POC1B: variants seen among roughly 807,000 people sequenced by gnomAD.
POC1B encodes the protein POC1 centriolar protein B.
A neutral mutation model predicts 60.6 loss-of-function variants in POC1B; 44 were observed. The ratio of observed to expected loss-of-function variants is 0.73; its 90% CI spans 0.57 to 0.93. The LOEUF (loss-of-function observed/expected upper bound fraction) is 0.93. Ranked by LOEUF, POC1B falls within the 40% of genes least tolerant of loss-of-function variation. The pLI is 0.00. For synonymous variants in POC1B, 180 were observed against 198.9 expected (o/e 0.90, Z 0.80); for missense variants, 555 against 572.3 (o/e 0.97, Z 0.31).
At chr12:89,480,237 G>A (rs1330492188) in intron 4 of POC1B, among the ~76,000 whole-genome samples, 1 of 151,672 alleles carries the variant, frequency 6.6e-6, no homozygotes. Flanking sequence ...CCCAGGCTCA[G>A]GTGATCCTCC....
At chr12:89,468,763 T>C (rs1882777094) in intron 7 of POC1B, among the ~76,000 whole-genome samples, 1 of 152,116 alleles carries the variant, frequency 6.6e-6, no homozygotes, top group African/African-American at 2.4e-5. Flanking sequence ...CACTGCAGAA[T>C]AAATGATAAC....
chr12:89,421,623 C>T (rs998509898), intron 11 of POC1B, among the ~76,000 whole-genome samples: 5 of 152,074 alleles, frequency 3.3e-5, no homozygotes, highest in African/African-American at 1.2e-4. Flanking sequence ...GGAGGGGGTG[C>T]GAAATTCCAC....
At chr12:89,412,545 G>A in the POC1B span, among the ~76,000 whole-genome samples, 18 of 151,562 alleles carry the variant, frequency 1.2e-4, no homozygotes, top group Non-Finnish European at 2.4e-4. Flanking sequence ...AGGGCATGGT[G>A]GGTGCCTGTA....
At chr12:89,514,008 C>T (rs930740065) in intron 2 of POC1B, among the ~76,000 whole-genome samples, 2 of 152,168 alleles carry the variant, frequency 1.3e-5, no homozygotes, top group African/African-American at 4.8e-5. Context: ...ATCCTCTTCC[C>T]TCTCATCACC....
chr12:89,489,901 C>G (rs1229677017), intron 4 of POC1B, among the ~76,000 whole-genome samples: 2 of 152,238 alleles, frequency 1.3e-5, no homozygotes, highest in African/African-American at 4.8e-5. Flanking sequence ...GCCACAGCAT[C>G]TCACTGCTAG....
At chr12:89,494,086 G>A (rs1304911931) in intron 3 of POC1B, among the ~76,000 whole-genome samples, 3 of 152,130 alleles carry the variant, frequency 2.0e-5, no homozygotes, top group African/African-American at 7.2e-5. Flanking sequence ...TGTCACAGAT[G>A]CTAGAATACA....
At chr12:89,503,406 T>C (rs1056230238) in intron 2 of POC1B, among the ~76,000 whole-genome samples, 1 of 152,242 alleles carries the variant, frequency 6.6e-6, no homozygotes, top group African/African-American at 2.4e-5. Flanking sequence ...CGGAGTCTCA[T>C]TCACTCAGTG....
chr12:89,514,815 G>A (rs1414207573), intron 2 of POC1B, among the ~76,000 whole-genome samples: 1 of 152,000 alleles, frequency 6.6e-6, no homozygotes, highest in African/African-American at 2.4e-5. Flanking sequence ...CTCTAATCAT[G>A]ACCAGAAGTT....
At position 89,500,835 on chromosome 12, in the gene POC1B, A is replaced by G. The variant is rs963123620; in HGVS notation, c.101-3493T>C. On this transcript the variant is annotated intron_variant, in intron 2 of 11. Transcript: ENST00000313546. ...AAGAAAACCATCAGGATCATCTCAGAATAGAATACGACATTCAGAATATGA... is the reference window on the plus strand; with the variant it reads ...AAGAAAACCATCAGGATCATCTCAGGATAGAATACGACATTCAGAATATGA... The G allele has an allele frequency of 5.3e-5, 56 of 1,048,690 alleles. No homozygotes were observed. The East Asian group carries it at 1.0e-3, about 19-fold the overall frequency. The allele number at this position is 1,048,690 out of a possible 1,614,324, so 65.0% of individuals were successfully genotyped here. A position where few individuals can be genotyped will look rare whatever the true frequency, so the allele number is the denominator to read the frequency against.
Position 89,490,817 on chromosome 12 carries a change from G to A in POC1B, c.452+1119C>T, listed in dbSNP as rs370044333. 2.9e-4 allele frequency among the ~76,000 whole-genome samples: 44 copies of A among 152,244 alleles called. No individual in the cohort carries two copies. In the East Asian group the frequency reaches 4.2e-3, roughly 15 times the overall value. On this transcript the variant is annotated intron_variant, in intron 4 of 11. Coordinates refer to ENST00000313546, the MANE Select transcript of POC1B (RefSeq NM_172240.3). ...CTGGAGTTCTTCCTGACTTTGCTGC[G>A]TCAAATCTGATGTGACAGCTCGTAC... is the stretch of plus-strand genomic sequence containing the variant.
intron 2 of POC1B, among the ~76,000 whole-genome samples, chr12:89,514,977 T>G (rs1870380029): frequency 6.6e-6 from 1 of 152,134 alleles, no homozygotes. Context: ...GCCTCTTGTA[T>G]TCACATCCTC....
rs1283303236 is a variant in POC1B, at chr12:89,525,889, A to C, written c.7T>G (p.Ser3Ala). 1.4e-6 allele frequency: 2 copies of C among 1,465,876 alleles called. No homozygotes were observed. The highest frequency in any genetic ancestry group is 5.1e-5 in the East Asian group (2 of 39,064). The allele number at this position is 1,465,876 out of a possible 1,614,324, so 90.8% of individuals were successfully genotyped here. A position where few individuals can be genotyped will look rare whatever the true frequency, so the allele number is the denominator to read the frequency against. Residue 3 changes from serine to alanine, a missense_variant, in exon 1 of 12, where the codon TCA becomes GCA. Physicochemically the swap from Ser to Ala is moderately conservative, Grantham distance 99 (BLOSUM62 1). Coordinates refer to ENST00000313546, the MANE Select transcript of POC1B (RefSeq NM_172240.3). MA[S>A]ATEDPVLERY... ...CTCCAACCCGTCCTTACCGTGGCTGAGGCCATCGGGGGAGTGGTCGGCCCA... is the reference window on the plus strand; with the variant it reads ...CTCCAACCCGTCCTTACCGTGGCTGCGGCCATCGGGGGAGTGGTCGGCCCA...
intron 10 of POC1B, 183 bp from the exon 11 acceptor site, chr12:89,425,562 G>A (rs1301814324): frequency 4.8e-5 from 23 of 477,006 alleles, no homozygotes; most frequent in Non-Finnish European, 7.9e-5. Context: ...CTTATAATAA[G>A]GAAACAAAGC....
At chr12:89,503,436 G>T (rs576307887) in intron 2 of POC1B, among the ~76,000 whole-genome samples, 1 of 152,234 alleles carries the variant, frequency 6.6e-6, no homozygotes, top group South Asian at 2.1e-4. Flanking sequence ...GCCGAGGCTG[G>T]AGTGCAGTGG....
intron 10 of POC1B, among the ~76,000 whole-genome samples, chr12:89,444,362 T>C (rs2120737743): frequency 6.6e-6 from 1 of 152,268 alleles, no homozygotes; most frequent in Admixed American, 6.5e-5. Context: ...CTCAATAAAA[T>C]ACTGGCAAAC....
At chr12:89,524,135 CA>C in intron 2 of POC1B, 1 of 1,614,000 alleles carries the variant, frequency 6.2e-7, no homozygotes, top group South Asian at 1.1e-5. Context: ...GCAATGATAA[CA>C]GAGGTGGTAG....
At chr12:89,493,350 G>C (rs1398622340) in intron 3 of POC1B, among the ~76,000 whole-genome samples, 1 of 152,154 alleles carries the variant, frequency 6.6e-6, no homozygotes, top group Non-Finnish European at 1.5e-5. Context: ...CTAGCATCTA[G>C]CAATATGTCA....
At chr12:89,464,359 A>T (rs1882592740) in intron 9 of POC1B, among the ~76,000 whole-genome samples, 1 of 152,068 alleles carries the variant, frequency 6.6e-6, no homozygotes, top group Admixed American at 6.6e-5. Context: ...TTAGTGAGGG[A>T]TCCATATTTA....
chr12:89,492,577 T>C (rs1370460258), intron 3 of POC1B, among the ~76,000 whole-genome samples: 1 of 152,216 alleles, frequency 6.6e-6, no homozygotes, highest in African/African-American at 2.4e-5. Context: ...AAAATTGTCA[T>C]AAATGCTTGA....
Sources: allele counts gnomAD v4.1 joint callset (sites outside exome capture counted in the v4.1 genomes callset), GRCh38; gene constraint gnomAD v4.1.1; transcripts MANE v1.5; gene names NCBI Gene and HGNC (gene_info 2026-07-23, HGNC 2026-07-21).